CRTAC1: variants seen among roughly 807,000 people sequenced by gnomAD.
CRTAC1 encodes the protein cartilage acidic protein 1, also known as acidic secreted protein in cartilage.
In CRTAC1, 37 loss-of-function variants were observed where a neutral mutation model predicts 67.8. The ratio of observed to expected loss-of-function variants is 0.55; its 90% confidence interval spans 0.42 to 0.72. The LOEUF is 0.72. Among genes scored for constraint, CRTAC1 ranks in the 30% least tolerant of loss-of-function variants. The probability of loss-of-function intolerance (pLI) is 0.00; values close to 1 mark genes in which losing one functional copy is unlikely to be tolerated. For missense variants in CRTAC1, 780 were observed against 931.6 expected (o/e 0.84, Z 2.12); for synonymous variants, 348 against 371.0 (o/e 0.94, Z 0.71).
At chr10:97,923,123 G>T (rs748269426) in intron 4 of CRTAC1, 141 bp downstream of exon 4, 34 of 878,332 alleles carry the variant, frequency 3.9e-5, no homozygotes, top group Non-Finnish European at 5.9e-5. Flanking sequence ...CATTCTGCAA[G>T]TCTTAGTTGT....
intron 5 of CRTAC1, among the ~76,000 whole-genome samples, chr10:97,917,083 T>C (rs1361961248): frequency 6.6e-6 from 1 of 152,210 alleles, no homozygotes; most frequent in Admixed American, 6.5e-5. Flanking sequence ...TGTAAGTAAA[T>C]AATTTCATCT....
chr10:97,958,549 A>G (rs2051476316), intron 2 of CRTAC1, among the ~76,000 whole-genome samples: 1 of 152,142 alleles, frequency 6.6e-6, no homozygotes, highest in South Asian at 2.1e-4. Flanking sequence ...GACATCCCCT[A>G]CCAGAGTGGT....
chr10:97,916,480 G>A (rs1441246398), intron 5 of CRTAC1, among the ~76,000 whole-genome samples: 1 of 152,134 alleles, frequency 6.6e-6, no homozygotes, highest in Non-Finnish European at 1.5e-5. Context: ...CTAGGGAAAG[G>A]CATTGTAAAC....
intron 2 of CRTAC1, among the ~76,000 whole-genome samples, chr10:97,955,654 T>C (rs950136971): frequency 6.6e-6 from 1 of 152,194 alleles, no homozygotes; most frequent in Non-Finnish European, 1.5e-5. Context: ...AATAAAAATG[T>C]TTATCCAGAA....
chr10:97,984,464 T>A (rs187484715), intron 2 of CRTAC1, among the ~76,000 whole-genome samples: 114 of 152,328 alleles, frequency 7.5e-4, no homozygotes, highest in African/African-American at 2.5e-3. Flanking sequence ...CAGAGCCCCA[T>A]CCTGCAGAGC....
intron 1 of CRTAC1, among the ~76,000 whole-genome samples, chr10:98,021,960 C>A (rs1340512206): frequency 6.6e-6 from 1 of 152,140 alleles, no homozygotes; most frequent in African/African-American, 2.4e-5. Context: ...TGCCTATGGG[C>A]CACGTTAGAA....
At chr10:97,953,843 C>T (rs1002292230) in intron 2 of CRTAC1, among the ~76,000 whole-genome samples, 4 of 152,204 alleles carry the variant, frequency 2.6e-5, no homozygotes, top group Admixed American at 2.6e-4. Flanking sequence ...ATTATTTCAA[C>T]TAGACCAGGG....
In CRTAC1 at chr10:97,924,543, T is replaced by C. The variant is rs542645706; in HGVS notation, c.422-1143A>G. On this transcript the variant is annotated intron_variant, in intron 3 of 14. Coordinates refer to ENST00000370597, the MANE Select transcript of CRTAC1 (RefSeq NM_018058.7). ...ATGGAAATGATCTGGAGCCCCAGTG[T>C]TGGTTCTGCTTGGATTCTACTTCTA... is the stretch of plus-strand genomic sequence containing the variant. Among the ~76,000 whole-genome samples, 23 of 152,230 alleles carry C rather than the reference T, an allele frequency of 1.5e-4. No homozygotes were observed. The South Asian group carries it at 4.4e-3, about 29-fold the overall frequency.
Position 97,904,787 on chromosome 10 carries a change from C to T in CRTAC1, c.878G>A (p.Arg293Gln), listed in dbSNP as rs144829514. ...AGVDDPHQHGRGVALADFNRD... is the reference protein window; with the variant it reads ...AGVDDPHQHGQGVALADFNRD... ...GTTGAAGTCAGCCAGGGCGACACCT[C>T]GCCCATGCTGGTGGGGGTCGTCCAC... Residue 293 changes from arginine to glutamine, a missense_variant, in exon 7 of 15, where the codon CGA becomes CAA. Transcript: ENST00000370597. 58 of 1,602,680 alleles carry T rather than the reference C, an allele frequency of 3.6e-5. No homozygotes were observed. Among genetic ancestry groups the T allele is most frequent in the Non-Finnish European group, 4.7e-5 (55 of 1,175,404 alleles).
At chr10:97,934,362 C>T (rs758882358) in intron 3 of CRTAC1, among the ~76,000 whole-genome samples, 1 of 152,166 alleles carries the variant, frequency 6.6e-6, no homozygotes, top group Non-Finnish European at 1.5e-5. Context: ...TACTATCTCT[C>T]AGGCCTCACT....
At chr10:97,965,234 A>G (rs1206705918) in intron 2 of CRTAC1, among the ~76,000 whole-genome samples, 1 of 152,242 alleles carries the variant, frequency 6.6e-6, no homozygotes, top group East Asian at 1.9e-4. Context: ...AGCAGATAAT[A>G]GCAAACATTT....
chr10:97,989,702 T>C (rs939753248), intron 2 of CRTAC1, among the ~76,000 whole-genome samples: 2 of 152,238 alleles, frequency 1.3e-5, no homozygotes, highest in African/African-American at 4.8e-5. Flanking sequence ...GCCACTACCA[T>C]AGTGCTATGA....
intron 2 of CRTAC1, among the ~76,000 whole-genome samples, chr10:97,938,615 T>C (rs564489063): frequency 8.4e-4 from 128 of 152,288 alleles, no homozygotes; most frequent in African/African-American, 2.9e-3. Flanking sequence ...TTTTTCCCCC[T>C]GGCTGCCTCC....
intron 2 of CRTAC1, among the ~76,000 whole-genome samples, chr10:97,958,300 A>G (rs531053327): frequency 1.3e-5 from 2 of 152,304 alleles, no homozygotes; most frequent in African/African-American, 4.8e-5. Context: ...GCCAATTGGC[A>G]AAAGAAAGGG....
At chr10:98,027,166 C>CA (rs372224632) in intron 1 of CRTAC1, among the ~76,000 whole-genome samples, 4,406 of 116,044 alleles carry the variant, frequency 0.038, 116 homozygotes, top group African/African-American at 0.082. Context: ...GACTCCGTCT[C>CA]AAAAAAAAAA....
intron 2 of CRTAC1, among the ~76,000 whole-genome samples, chr10:97,968,732 C>A (rs1193545534): frequency 1.3e-5 from 2 of 152,186 alleles, no homozygotes; most frequent in Non-Finnish European, 2.9e-5. Flanking sequence ...GAGAAATGAT[C>A]TTTCTCAACC....
intron 2 of CRTAC1, among the ~76,000 whole-genome samples, chr10:98,010,556 T>C (rs1842884703): frequency 6.6e-6 from 1 of 152,160 alleles, no homozygotes; most frequent in African/African-American, 2.4e-5. Flanking sequence ...TTCCTAGTCT[T>C]ATGCTTTTTT....
At chr10:98,012,616 G>T (rs526748) in intron 1 of CRTAC1, among the ~76,000 whole-genome samples, 74,499 of 152,038 alleles carry the variant, frequency 0.49, 18,764 homozygotes, top group Non-Finnish European at 0.54. Context: ...TCTGAAGACT[G>T]TCTCCCCATA....
chr10:97,872,281 A>G (rs528286410), intron 14 of CRTAC1, among the ~76,000 whole-genome samples: 52 of 152,314 alleles, frequency 3.4e-4, no homozygotes, highest in Middle Eastern at 6.8e-3. Flanking sequence ...GCTCAGTACC[A>G]TGCAGATAGG....
Sources: allele counts gnomAD v4.1 joint callset (sites outside exome capture counted in the v4.1 genomes callset), GRCh38; gene constraint gnomAD v4.1.1; transcripts MANE v1.5; gene names NCBI Gene and HGNC (gene_info 2026-07-23, HGNC 2026-07-21).